Variants in KCND2 observed in about 807,000 individuals in gnomAD.
KCND2 encodes the protein A-type voltage-gated potassium channel KCND2.
A neutral mutation model predicts 54.4 loss-of-function variants in KCND2; 16 were observed. The observed-to-expected ratio is 0.29, with a 90% CI of 0.20 to 0.45. KCND2 has a LOEUF of 0.45. Among genes scored for constraint, KCND2 ranks in the 20% least tolerant of loss-of-function variants. The pLI, the probability that KCND2 is intolerant of heterozygous loss-of-function variation, is 1.00. For missense variants in KCND2, 486 were observed against 824.2 expected (o/e 0.59, Z 5.02); for synonymous variants, 317 against 310.7 (o/e 1.02, Z -0.21).
intron 1 of KCND2, among the ~76,000 whole-genome samples, chr7:120,492,864 A>G (rs923916435): frequency 1.4e-4 from 21 of 152,148 alleles, no homozygotes; most frequent in Non-Finnish European, 2.2e-4. Context: ...ATTGATGATC[A>G]TATTTAATTT....
chr7:120,422,217 G>T (rs956772440), intron 1 of KCND2, among the ~76,000 whole-genome samples: 1 of 152,114 alleles, frequency 6.6e-6, no homozygotes, highest in African/African-American at 2.4e-5. Flanking sequence ...ATTCTGGCTG[G>T]TAGAAAAGAA....
chr7:120,296,119 A>G (rs541740079), intron 1 of KCND2, among the ~76,000 whole-genome samples: 2 of 152,238 alleles, frequency 1.3e-5, no homozygotes, highest in African/African-American at 4.8e-5. Flanking sequence ...AGTTTGGCAT[A>G]TCTCTTTCTA....
chr7:120,480,956 T>C (rs561526422), intron 1 of KCND2, among the ~76,000 whole-genome samples: 2 of 152,290 alleles, frequency 1.3e-5, no homozygotes, highest in Non-Finnish European at 2.9e-5. Flanking sequence ...ACAGCCTAGA[T>C]TGCCATTAAT....
At chr7:120,345,402 T>C (rs1345639360) in intron 1 of KCND2, among the ~76,000 whole-genome samples, 2 of 152,160 alleles carry the variant, frequency 1.3e-5, no homozygotes, top group African/African-American at 4.8e-5. Flanking sequence ...GAAAAAAAAT[T>C]GTGGTAACAT....
intron 1 of KCND2, among the ~76,000 whole-genome samples, chr7:120,287,011 A>C (rs1164782263): frequency 6.6e-6 from 1 of 152,092 alleles, no homozygotes; most frequent in Admixed American, 6.6e-5. Context: ...TATATGTTTC[A>C]TAGGTATTTA....
At chr7:120,464,661 CAG>C (rs1394879369) in intron 1 of KCND2, among the ~76,000 whole-genome samples, 1 of 152,154 alleles carries the variant, frequency 6.6e-6, no homozygotes, top group Non-Finnish European at 1.5e-5. Context: ...TCTAGAGGCT[CAG>C]GGGAAGAATG....
chr7:120,549,385 T>G (rs901505077), intron 1 of KCND2, among the ~76,000 whole-genome samples: 1 of 152,104 alleles, frequency 6.6e-6, no homozygotes, highest in African/African-American at 2.4e-5. Flanking sequence ...AAATTGAATG[T>G]GAGGTGAAAG....
At chr7:120,570,492 G>C (rs915777799) in intron 1 of KCND2, among the ~76,000 whole-genome samples, 1 of 150,018 alleles carries the variant, frequency 6.7e-6, no homozygotes, top group Non-Finnish European at 1.5e-5. Flanking sequence ...CATATGTATT[G>C]AACCTATGTA....
At chr7:120,295,311 G>A (rs1002645432) in intron 1 of KCND2, among the ~76,000 whole-genome samples, 3 of 147,268 alleles carry the variant, frequency 2.0e-5, no homozygotes, top group African/African-American at 7.4e-5. Context: ...GATTAATGAG[G>A]CATATTTTCT....
chr7:120,368,950 GT>G (rs1298973429), intron 1 of KCND2, among the ~76,000 whole-genome samples: 1 of 152,022 alleles, frequency 6.6e-6, no homozygotes, highest in Non-Finnish European at 1.5e-5. Flanking sequence ...TAGGTTTTCT[GT>G]GGATAACCTG....
At chr7:120,486,779 T>G (rs1802700614) in intron 1 of KCND2, among the ~76,000 whole-genome samples, 1 of 151,876 alleles carries the variant, frequency 6.6e-6, no homozygotes, top group South Asian at 2.1e-4. Flanking sequence ...TGTAAAATAC[T>G]ACTACCTACC....
chr7:120,347,670 T>C (rs770364289), intron 1 of KCND2, among the ~76,000 whole-genome samples: 40 of 151,728 alleles, frequency 2.6e-4, no homozygotes, highest in Admixed American at 1.1e-3. Context: ...GGCAGGAGAA[T>C]TGGTTGAACC....
chr7:120,709,044 A>G lies in KCND2; in HGVS notation c.1116-23859A>G, dbSNP rs571275306. ...TCTCTGTGTATTCAAAGCCCTTGAA[A>G]TTAACCACCATGTTACCCTGTCCGT... On this transcript the variant is annotated intron_variant, in intron 1 of 5. Transcript: ENST00000331113. 8.3e-4 allele frequency among the ~76,000 whole-genome samples: 126 copies of G among 152,268 alleles called. 3 individuals carry two copies. The highest frequency in any genetic ancestry group is 2.8e-3 in the African/African-American group (118 of 41,576).
At chr7:120,351,266 A>ATATATATATC (rs1375713144) in intron 1 of KCND2, among the ~76,000 whole-genome samples, 5 of 145,304 alleles carry the variant, frequency 3.4e-5, no homozygotes, top group African/African-American at 1.0e-4. Context: ...ATATATATAT[A>ATATATATATC]TCCAGTATAT....
chr7:120,517,654 T>G (rs902093239), intron 1 of KCND2, among the ~76,000 whole-genome samples: 1 of 152,172 alleles, frequency 6.6e-6, no homozygotes, highest in African/African-American at 2.4e-5. Context: ...GACCAACTGC[T>G]TAGCACATTA....
At chr7:120,412,394 G>C (rs1801463943) in intron 1 of KCND2, among the ~76,000 whole-genome samples, 1 of 151,902 alleles carries the variant, frequency 6.6e-6, no homozygotes, top group Non-Finnish European at 1.5e-5. Context: ...CATATGTATT[G>C]CAGAGAGCTT....
chr7:120,749,640 G>C lies in KCND2; in HGVS notation c.*1782G>C, dbSNP rs1015092738. 2 of 152,322 alleles carry C rather than the reference G, an allele frequency of 1.3e-5. No individual in the cohort carries two copies. Among genetic ancestry groups the C allele is most frequent in the African/African-American group, 4.8e-5 (2 of 41,420 alleles). 9.4% of individuals were successfully genotyped at this position (152,322 alleles called of 1,614,324 possible). The stretch of plus-strand genomic sequence containing the variant: ...CTTCCCATTTCTAGAATAGTTTCTA[G>C]AACAGTGCTATGCACATATTAGATC... On this transcript the variant is annotated 3_prime_UTR_variant, in exon 6 of 6. Transcript: ENST00000331113.
chr7:120,728,496 G>T (rs1792764809), intron 1 of KCND2, among the ~76,000 whole-genome samples: 1 of 151,868 alleles, frequency 6.6e-6, no homozygotes, highest in African/African-American at 2.4e-5. Flanking sequence ...TCTCCATGTT[G>T]GTCAGGCTGG....
intron 1 of KCND2, among the ~76,000 whole-genome samples, chr7:120,628,759 G>A (rs1022118608): frequency 1.3e-5 from 2 of 152,084 alleles, no homozygotes; most frequent in Non-Finnish European, 2.9e-5. Flanking sequence ...TCCAGCCACC[G>A]CATAAATGGA....
Sources: gnomAD v4.1 joint callset for allele counts (sites outside exome capture counted in the v4.1 genomes callset) on GRCh38, gnomAD v4.1.1 for gene constraint, MANE v1.5 for transcripts, NCBI Gene and HGNC (gene_info 2026-07-23, HGNC 2026-07-21) for gene names.